Variants in AMOTL1 observed in about 807,000 individuals in gnomAD.
AMOTL1 encodes angiomotin like 1.
AMOTL1 carries 45 observed loss-of-function variants against 102.9 expected under a neutral mutation model. That is an observed-to-expected ratio of 0.44 (90% CI 0.34 to 0.56). The LOEUF (loss-of-function observed/expected upper bound fraction) is 0.56. Among genes scored for constraint, AMOTL1 ranks in the 20% least tolerant of loss-of-function variants. The probability of loss-of-function intolerance (pLI) is 0.01; values close to 1 mark genes in which losing one functional copy is unlikely to be tolerated. For missense variants in AMOTL1, 1,114 were observed against 1,225.6 expected (o/e 0.91, Z 1.36); for synonymous variants, 481 against 484.7 (o/e 0.99, Z 0.10).
chr11:94,722,651 T>C (rs1014317766), intron 1 of AMOTL1, among the ~76,000 whole-genome samples: 3 of 152,202 alleles, frequency 2.0e-5, no homozygotes, highest in Admixed American at 6.5e-5. Context: ...CCACGATATA[T>C]ATACTGCCTC....
chr11:94,748,567 T>C (rs1323436954), intron 3 of AMOTL1, among the ~76,000 whole-genome samples: 2 of 152,210 alleles, frequency 1.3e-5, no homozygotes, highest in African/African-American at 2.4e-5. Flanking sequence ...ATCTTAGTGG[T>C]TAAGAGCATG....
At chr11:94,826,586 A>T (rs1429980096) in intron 4 of AMOTL1, among the ~76,000 whole-genome samples, 3 of 152,218 alleles carry the variant, frequency 2.0e-5, no homozygotes, top group Admixed American at 6.5e-5. Context: ...CGTGAAGAGC[A>T]CGTCCTTCTT....
Position 94,873,124 on chromosome 11 carries a change from A to C in AMOTL1, c.*2329A>C, listed in dbSNP as rs962117758. ...CTGTTTCTCCCGAAGCCTCGTCTTC[A>C]TGCCCCAGACACCTGATTGCCCCAA... On this transcript the variant is annotated 3_prime_UTR_variant, in exon 13 of 13. Coordinates refer to ENST00000433060, the MANE Select transcript of AMOTL1 (RefSeq NM_130847.3). 1 of 152,142 alleles carries C rather than the reference A, an allele frequency of 6.6e-6. No homozygotes were observed. Among genetic ancestry groups the C allele is most frequent in the African/African-American group, 2.4e-5 (1 of 41,422 alleles). 9.4% of individuals were successfully genotyped at this position (152,142 alleles called of 1,614,324 possible).
At chr11:94,750,248 G>A (rs971153401) in intron 3 of AMOTL1, among the ~76,000 whole-genome samples, 3 of 152,204 alleles carry the variant, frequency 2.0e-5, no homozygotes, top group Non-Finnish European at 2.9e-5. Context: ...GGCTGCTCTA[G>A]TGTCTTGTCA....
At chr11:94,863,039 A>G (rs1278868146) in intron 9 of AMOTL1, among the ~76,000 whole-genome samples, 1 of 152,200 alleles carries the variant, frequency 6.6e-6, no homozygotes, top group Non-Finnish European at 1.5e-5. Flanking sequence ...TTGGAGTCAT[A>G]AATACCTGAG....
intron 2 of AMOTL1, among the ~76,000 whole-genome samples, chr11:94,737,070 G>A (rs907262990): frequency 6.6e-6 from 1 of 152,208 alleles, no homozygotes; most frequent in African/African-American, 2.4e-5. Context: ...ACCCTCAGTT[G>A]ATTAGGAAAT....
intron 1 of AMOTL1, among the ~76,000 whole-genome samples, chr11:94,716,510 G>A (rs1950100697): frequency 6.6e-6 from 1 of 152,102 alleles, no homozygotes. Flanking sequence ...TTGGGGCTTA[G>A]CGTATAAGTT....
chr11:94,731,061 T>C (rs1950341340), intron 2 of AMOTL1, among the ~76,000 whole-genome samples: 1 of 152,226 alleles, frequency 6.6e-6, no homozygotes, highest in Non-Finnish European at 1.5e-5. Context: ...GAGTTTACCA[T>C]GTCATCTATC....
chr11:94,792,940 G>T (rs1469707405), intron 1 of AMOTL1, among the ~76,000 whole-genome samples: 3 of 152,122 alleles, frequency 2.0e-5, no homozygotes, highest in Admixed American at 6.5e-5. Flanking sequence ...ATGAGATAAA[G>T]TGTGGAAAAG....
chr11:94,738,469 G>A (rs2135472068), intron 2 of AMOTL1, among the ~76,000 whole-genome samples: 1 of 152,202 alleles, frequency 6.6e-6, no homozygotes, highest in East Asian at 1.9e-4. Context: ...TGTTGGCCAG[G>A]CTGGTCTCAA....
intron 7 of AMOTL1, 130 bp downstream of exon 7, chr11:94,850,389 G>A: frequency 1.6e-6 from 2 of 1,231,968 alleles, no homozygotes; most frequent in Non-Finnish European, 2.2e-6. Context: ...GGAGGGATAT[G>A]GGAAACTTCT....
At chr11:94,770,933 G>A (rs1950939768) in intron 1 of AMOTL1, among the ~76,000 whole-genome samples, 1 of 152,128 alleles carries the variant, frequency 6.6e-6, no homozygotes, top group African/African-American at 2.4e-5. Context: ...GAAAAGTGTG[G>A]ACCCAGGGCC....
intron 2 of AMOTL1, among the ~76,000 whole-genome samples, chr11:94,798,787 G>C (rs1027443039): frequency 1.3e-5 from 2 of 152,172 alleles, no homozygotes; most frequent in Non-Finnish European, 2.9e-5. Flanking sequence ...CGAATTAGGA[G>C]AGCATTGCAG....
At chr11:94,830,596 A>G (rs774814863) in intron 5 of AMOTL1, among the ~76,000 whole-genome samples, 2 of 152,240 alleles carry the variant, frequency 1.3e-5, no homozygotes, top group Non-Finnish European at 2.9e-5. Flanking sequence ...GAAAAGCAGC[A>G]CTTAACTATT....
Position 94,876,048 on chromosome 11 carries a change from T to A in AMOTL1, c.*5253T>A, listed in dbSNP as rs1953089663. On this transcript the variant is annotated 3_prime_UTR_variant, in exon 13 of 13. Coordinates refer to ENST00000433060, the MANE Select transcript of AMOTL1 (RefSeq NM_130847.3). Reference sequence around the variant, plus strand: ...AATTAGAATACTGCTCTCTCTATATTGAACTACATATACAGCGTTTTCTTG... The same window carrying A: ...AATTAGAATACTGCTCTCTCTATATAGAACTACATATACAGCGTTTTCTTG... The A allele has an allele frequency of 6.6e-6, 1 of 152,644 alleles. No homozygotes were observed. The highest frequency in any genetic ancestry group is 2.4e-5 in the African/African-American group (1 of 41,442). The allele number at this position is 152,644 out of a possible 1,614,324, so 9.5% of individuals were successfully genotyped here.
chr11:94,835,168 CTTGT>C (rs1952152155), intron 6 of AMOTL1, among the ~76,000 whole-genome samples: 1 of 152,150 alleles, frequency 6.6e-6, no homozygotes, highest in South Asian at 2.1e-4. Flanking sequence ...TCTGGTCTTG[CTTGT>C]TTGTTTTTCC....
chr11:94,741,835 G>T (rs1950531882), intron 3 of AMOTL1, among the ~76,000 whole-genome samples: 1 of 152,112 alleles, frequency 6.6e-6, no homozygotes, highest in Non-Finnish European at 1.5e-5. Flanking sequence ...AAGATGAAAT[G>T]AAAGGATTTA....
At chr11:94,843,429 G>C (rs2135694364) in intron 6 of AMOTL1, among the ~76,000 whole-genome samples, 1 of 152,308 alleles carries the variant, frequency 6.6e-6, no homozygotes, top group Middle Eastern at 3.4e-3. Flanking sequence ...CTTTGAGGCA[G>C]AAGGAACCTA....
Position 94,873,318 on chromosome 11 carries a change from A to G in AMOTL1, c.*2523A>G, listed in dbSNP as rs1953037690. The G allele has an allele frequency of 6.6e-6, 1 of 152,172 alleles. No homozygotes were observed. The highest frequency in any genetic ancestry group is 1.5e-5 in the Non-Finnish European group (1 of 68,034). 9.4% of individuals were successfully genotyped at this position (152,172 alleles called of 1,614,324 possible). On this transcript the variant is annotated 3_prime_UTR_variant, in exon 13 of 13. Coordinates refer to ENST00000433060, the MANE Select transcript of AMOTL1 (RefSeq NM_130847.3). ...AGACTCTTCCTTAAGAACAGGATCT[A>G]TAGCTTTAAAATGTCTTCTTCTATG...
Sources: gnomAD v4.1 joint callset for allele counts (sites outside exome capture counted in the v4.1 genomes callset) on GRCh38, gnomAD v4.1.1 for gene constraint, MANE v1.5 for transcripts, NCBI Gene and HGNC (gene_info 2026-07-23, HGNC 2026-07-21) for gene names.